ASTN1: variants seen among roughly 807,000 people sequenced by gnomAD.
ASTN1 encodes the protein astrotactin-1.
A neutral mutation model predicts 140.7 loss-of-function variants in ASTN1; 41 were observed. The ratio of observed to expected loss-of-function variants is 0.29; its 90% CI spans 0.23 to 0.38. ASTN1 has a LOEUF of 0.38. Ranked by LOEUF, ASTN1 falls within the 10% of genes least tolerant of loss-of-function variation. ASTN1 has a pLI of 1.00. For missense variants in ASTN1, 1,479 were observed against 1,678.8 expected (o/e 0.88, Z 2.08); for synonymous variants, 640 against 652.2 (o/e 0.98, Z 0.29).
In ASTN1 at chr1:177,081,871, T is replaced by C. The variant is rs1170422852; in HGVS notation, c.284-20606A>G. ...TAAGAGTGGTTTAAGGGTTTGCTCT[T>C]GGAAAGAAGAATGGAAAACGCAGAG... On this transcript the variant is annotated intron_variant, in intron 1 of 22. Transcript: ENST00000361833. 2.6e-5 allele frequency among the ~76,000 whole-genome samples: 4 copies of C among 152,266 alleles called. No individual in the cohort carries two copies. The East Asian group carries it at 7.7e-4, about 29-fold the overall frequency.
Position 177,164,585 on chromosome 1 carries a change from T to C in ASTN1, c.92A>G (p.Lys31Arg), listed in dbSNP as rs750332062. 13 of 1,613,734 alleles carry C rather than the reference T, an allele frequency of 8.1e-6. No individual in the cohort carries two copies. The highest frequency in any genetic ancestry group is 1.1e-5 in the Non-Finnish European group (13 of 1,179,872). The change falls in exon 1 of 23, where the codon AAG becomes AGG. Residue 31 changes from lysine (K) to arginine (R), a missense_variant. By Grantham distance (26) the Lys-to-Arg change is conservative (BLOSUM62 2). Transcript: ENST00000361833. ...GCTTTTGAGCTTGCACTCCAGCTCC[T>C]TGGATGGATCCACGTCGCCGGCGGC... is the stretch of plus-strand genomic sequence containing the variant. ...ATAAGDVDPS[K>R]ELECKLKSIT...
At chr1:176,937,590 AG>A (rs1416793013) in intron 14 of ASTN1, among the ~76,000 whole-genome samples, 1 of 152,200 alleles carries the variant, frequency 6.6e-6, no homozygotes, top group Non-Finnish European at 1.5e-5. Context: ...ATTAGGCCAT[AG>A]GAAAAAAAAT....
rs918860232 is a variant in ASTN1 at position 176,862,565 on chromosome 1, C to G, written c.*1719G>C. The G allele has an allele frequency of 2.0e-6, 2 of 985,304 alleles. No individual in the cohort carries two copies. Among genetic ancestry groups the G allele is most frequent in the African/African-American group, 1.7e-5 (1 of 57,224 alleles). The allele number at this position is 985,304 out of a possible 1,614,324, so 61.0% of individuals were successfully genotyped here. A position where few individuals can be genotyped will look rare whatever the true frequency, so the allele number is the denominator to read the frequency against. ...GTGCCAGATGATACTGAAAACAGAACTGGGTATCCCAGAGTAGCTAAGATC... is the reference window on the plus strand; with the variant it reads ...GTGCCAGATGATACTGAAAACAGAAGTGGGTATCCCAGAGTAGCTAAGATC... On this transcript the variant is annotated 3_prime_UTR_variant, in exon 23 of 23. Transcript: ENST00000361833.
intron 1 of ASTN1, among the ~76,000 whole-genome samples, chr1:177,159,878 T>A (rs1380720376): frequency 1.3e-5 from 2 of 152,234 alleles, no homozygotes; most frequent in African/African-American, 4.8e-5. Flanking sequence ...CATGGCTACC[T>A]GAACCTGAAA....
rs73048934 is a variant in ASTN1, at chr1:177,123,029, C to A, written c.283+41365G>T. On this transcript the variant is annotated intron_variant, in intron 1 of 22. Coordinates refer to ENST00000361833, the MANE Select transcript of ASTN1 (RefSeq NM_004319.3). ...TCCTCTCAACACTCCAGGGAGTGTG[C>A]AGTGCAGCTGGTTCTGCCTCGTTTA... 2.0e-3 allele frequency among the ~76,000 whole-genome samples: 298 copies of A among 152,284 alleles called. 2 individuals are homozygous for A. The highest frequency in any genetic ancestry group is 6.9e-3 in the African/African-American group (288 of 41,560).
intron 9 of ASTN1, among the ~76,000 whole-genome samples, chr1:176,964,086 T>C (rs1358511294): frequency 2.0e-5 from 3 of 152,068 alleles, no homozygotes; most frequent in Non-Finnish European, 2.9e-5. Context: ...GGAGGAGCAG[T>C]AGAAGCTTTG....
chr1:177,148,584 C>A (rs963605020), intron 1 of ASTN1, among the ~76,000 whole-genome samples: 1 of 151,412 alleles, frequency 6.6e-6, no homozygotes, highest in Non-Finnish European at 1.5e-5. Context: ...AATAACTAGG[C>A]CTTTGAAGGC....
At chr1:177,089,473 T>C (rs1679637127) in intron 1 of ASTN1, among the ~76,000 whole-genome samples, 1 of 152,146 alleles carries the variant, frequency 6.6e-6, no homozygotes, top group Non-Finnish European at 1.5e-5. Flanking sequence ...CATCATACCC[T>C]GAAAATGTTT....
chr1:177,042,658 A>G (rs931557777), intron 2 of ASTN1, among the ~76,000 whole-genome samples: 1 of 152,226 alleles, frequency 6.6e-6, no homozygotes, highest in African/African-American at 2.4e-5. Context: ...AGTCCTACCA[A>G]TAAGTATAAG....
At chr1:177,024,540 C>G in intron 6 of ASTN1, 43 bp downstream of exon 6, 1 of 1,601,556 alleles carries the variant, frequency 6.2e-7, no homozygotes, top group Non-Finnish European at 8.5e-7. Context: ...GAAAACTTTC[C>G]TTTTTGGGGG....
At chr1:177,060,973 C>A in intron 2 of ASTN1, 105 bp downstream of exon 2, 1 of 1,146,924 alleles carries the variant, frequency 8.7e-7, no homozygotes, top group South Asian at 3.1e-5. Flanking sequence ...GATCAATGAT[C>A]ATTACAGAGT....
At chr1:177,015,273 A>G (rs1296680039) in intron 7 of ASTN1, among the ~76,000 whole-genome samples, 1 of 152,228 alleles carries the variant, frequency 6.6e-6, no homozygotes, top group Non-Finnish European at 1.5e-5. Context: ...GAATTATTTC[A>G]CCAAATATTT....
Position 176,861,331 on chromosome 1 carries a change from A to G in ASTN1, c.*2953T>C. ...CACACTCAATTAAAAGTCTAATGCT[A>G]TTACAGTGGTTCATGTACATTCAAG... On this transcript the variant is annotated 3_prime_UTR_variant, in exon 23 of 23. Transcript: ENST00000361833. The G allele has an allele frequency of 1.0e-6, 1 of 985,872 alleles. No individual in the cohort carries two copies. The highest frequency in any genetic ancestry group is 1.2e-6 in the Non-Finnish European group (1 of 829,936). The allele number at this position is 985,872 out of a possible 1,614,324, so 61.1% of individuals were successfully genotyped here. A position where few individuals can be genotyped will look rare whatever the true frequency, so the allele number is the denominator to read the frequency against.
At chr1:176,883,231 CTTTTT>C (rs55903122) in intron 19 of ASTN1, among the ~76,000 whole-genome samples, 1 of 130,502 alleles carries the variant, frequency 7.7e-6, no homozygotes, top group Admixed American at 7.8e-5. Context: ...CTGAGAGCTT[CTTTTT>C]TTTTTTTTTT....
At chr1:176,868,635 A>G (rs12120513) in intron 22 of ASTN1, among the ~76,000 whole-genome samples, 9,091 of 152,272 alleles carry the variant, frequency 0.06, 349 homozygotes, top group Non-Finnish European at 0.087. Flanking sequence ...TTCAGAGTTC[A>G]GGAAAAGCAT....
intron 1 of ASTN1, among the ~76,000 whole-genome samples, chr1:177,088,944 C>G (rs1171819248): frequency 6.6e-6 from 1 of 152,106 alleles, no homozygotes; most frequent in African/African-American, 2.4e-5. Context: ...TAATATTCAT[C>G]TGATATGAAC....
intron 1 of ASTN1, among the ~76,000 whole-genome samples, chr1:177,083,983 T>C (rs1257986938): frequency 6.6e-6 from 1 of 152,188 alleles, no homozygotes; most frequent in Non-Finnish European, 1.5e-5. Flanking sequence ...TCAGAGTAAA[T>C]TCTCCCTTGC....
intron 14 of ASTN1, among the ~76,000 whole-genome samples, chr1:176,943,350 C>A (rs1403385098): frequency 6.6e-6 from 1 of 152,076 alleles, no homozygotes; most frequent in African/African-American, 2.4e-5. Context: ...GAGGGGCAGG[C>A]ATTATTATCC....
intron 14 of ASTN1, among the ~76,000 whole-genome samples, chr1:176,938,901 G>A (rs933450536): frequency 6.6e-6 from 1 of 152,008 alleles, no homozygotes; most frequent in Admixed American, 6.6e-5. Flanking sequence ...ATCACTTGAG[G>A]TCAGGAGTTT....
Sources: gnomAD v4.1 joint callset for allele counts (sites outside exome capture counted in the v4.1 genomes callset) on GRCh38, gnomAD v4.1.1 for gene constraint, MANE v1.5 for transcripts, NCBI Gene and HGNC (gene_info 2026-07-23, HGNC 2026-07-21) for gene names.